Variants in RYR1 observed in about 807,000 individuals in gnomAD.
The protein encoded by RYR1 is ryanodine receptor 1, also known as central core disease of muscle.
In RYR1, 342 loss-of-function variants were observed where a neutral mutation model predicts 583.5. The ratio of observed to expected loss-of-function variants is 0.59; its 90% CI spans 0.54 to 0.64. The LOEUF is 0.64. Among genes scored for constraint, RYR1 ranks in the 30% least tolerant of loss-of-function variants. RYR1 has a pLI of 0.00. For synonymous variants in RYR1, 2,791 were observed against 2,822.5 expected, an observed-to-expected ratio of 0.99 and a Z score of 0.35; for missense variants, 6,032 against 6,917.2, an observed-to-expected ratio of 0.87 and a Z score of 4.54.
rs1218816599 is a variant in RYR1, at chr19:38,561,056, A to AG, written c.12283-57_12283-56insG. On this transcript the variant is annotated intron_variant, in intron 89 of 105. Transcript: ENST00000359596. The surrounding 1 kb of genome is among the most constrained non-coding windows in gnomAD (Gnocchi z 4.8). The stretch of plus-strand genomic sequence containing the variant: ...ACCTTGTCTTAAAAAAAAAAAAAAA[A>AG]AGAGAGAGAATTGAGGCTCTCCAGG... 778 of 1,404,338 alleles carry AG rather than the reference A, an allele frequency of 5.5e-4. 2 individuals carry two copies. The highest frequency in any genetic ancestry group is 2.8e-3 in the South Asian group (224 of 79,748). The allele number at this position is 1,404,338 out of a possible 1,614,324, so 87.0% of individuals were successfully genotyped here.
At chr19:38,560,729 CAAAAAAAAA>C (rs765130460) in intron 89 of RYR1, among the ~76,000 whole-genome samples, 2 of 38,076 alleles carry the variant, frequency 5.3e-5, no homozygotes, top group Non-Finnish European at 9.4e-5. Context: ...AACTCCGTCT[CAAAAAAAAA>C]AAAAAAAAAA....
rs549476638 is a variant in RYR1, at chr19:38,506,328, A to C, written c.8567A>C (p.Asn2856Thr). The change falls in exon 55 of 106, where the codon AAC becomes ACC. Residue 2856 changes from asparagine (N) to threonine (T), a missense_variant. Asn to Thr is a moderately conservative substitution (Grantham distance 65, BLOSUM62 0). Coordinates refer to ENST00000359596, the MANE Select transcript of RYR1 (RefSeq NM_000540.3). ...AQTYDPREGY[N>T]PQPPDLSAVT... ...ACCTATGATCCTCGAGAAGGCTACA[A>C]CCCTCAGCCCCCCGACCTTAGTGCT... 5 of 1,613,256 alleles carry C rather than the reference A, an allele frequency of 3.1e-6. No individual in the cohort carries two copies. The African/African-American group carries it at 5.3e-5, about 17-fold the overall frequency.
At chr19:38,564,380 C>T (rs929181731) in intron 90 of RYR1, among the ~76,000 whole-genome samples, 1 of 152,182 alleles carries the variant, frequency 6.6e-6, no homozygotes, top group African/African-American at 2.4e-5. Context: ...AAAAACTCAG[C>T]CCAGCATGGT....
At chr19:38,474,308 G>C (rs1968597701) in intron 28 of RYR1, among the ~76,000 whole-genome samples, 3 of 151,816 alleles carry the variant, frequency 2.0e-5, no homozygotes, top group Admixed American at 1.3e-4. Context: ...CTGTCGCCAG[G>C]CTGGAATGCA....
At chr19:38,563,368 G>A (rs1030841893) in intron 90 of RYR1, among the ~76,000 whole-genome samples, 3 of 152,186 alleles carry the variant, frequency 2.0e-5, no homozygotes, top group African/African-American at 4.8e-5. Flanking sequence ...GGGTTCAAGC[G>A]GTTTTCCTGT....
At chr19:38,503,967 C>G (rs1028565761) in intron 49 of RYR1, among the ~76,000 whole-genome samples, 2 of 152,114 alleles carry the variant, frequency 1.3e-5, no homozygotes, top group Non-Finnish European at 2.9e-5. Context: ...TAAAGCAATA[C>G]CAGACACAAC....
intron 56 of RYR1, 44 bp from the exon 57 acceptor site, chr19:38,506,785 C>G (rs373700479): frequency 6.2e-7 from 1 of 1,613,624 alleles, no homozygotes; most frequent in Non-Finnish European, 8.5e-7. Context: ...GAGAGTGGCC[C>G]GGGTCTTCCC....
intron 37 of RYR1, among the ~76,000 whole-genome samples, chr19:38,491,926 T>C (rs1222272279): frequency 6.6e-6 from 1 of 152,224 alleles, no homozygotes; most frequent in Admixed American, 6.5e-5. Context: ...TAGTATTCAC[T>C]ACTGGATAAG....
intron 71 of RYR1, 116 bp downstream of exon 71, chr19:38,525,618 C>A: frequency 8.6e-7 from 1 of 1,166,688 alleles, no homozygotes; most frequent in Non-Finnish European, 1.2e-6. Flanking sequence ...CCCTGGGAGC[C>A]TTCCCTTCAG....
intron 87 of RYR1, 128 bp downstream of exon 87, chr19:38,544,003 CAG>C (rs1972318677): frequency 7.7e-6 from 7 of 904,332 alleles, no homozygotes; most frequent in South Asian, 2.8e-5. Context: ...GGTTCCCTCT[CAG>C]TGGCCAAATC....
At chr19:38,505,478 T>C in intron 53 of RYR1, 80 bp downstream of exon 53, 1 of 1,028,630 alleles carries the variant, frequency 9.7e-7, no homozygotes, top group Non-Finnish European at 1.5e-6. Flanking sequence ...GTGAGGCAAT[T>C]TCACATGTTT....
chr19:38,523,017 G>T lies in RYR1; in HGVS notation c.10260-11G>T. The T allele has an allele frequency of 1.3e-6, 2 of 1,541,358 alleles. No homozygotes were observed. Among genetic ancestry groups the T allele is most frequent in the South Asian group, 1.2e-5 (1 of 86,352 alleles). On this transcript the variant is annotated splice_polypyrimidine_tract_variant and intron_variant, in intron 67 of 105. Coordinates refer to ENST00000359596, the MANE Select transcript of RYR1 (RefSeq NM_000540.3). ...CCACCCCCTCCCTCACCTCCCCTCC[G>T]CTGACCCCAGGGCGCAGTGGCTGAC...
Position 38,469,517 on chromosome 19 carries a change from A to C in RYR1, c.3765+4A>C. On this transcript the variant is annotated splice_donor_region_variant and intron_variant, in intron 27 of 105. Coordinates refer to ENST00000359596, the MANE Select transcript of RYR1 (RefSeq NM_000540.3). ...CCTTGAACACCCTCACTATGAGGTA[A>C]GGACTGAGCCCCTCAATGCCTTCTC... 6.2e-7 allele frequency: 1 copy of C among 1,613,694 alleles called. No individual in the cohort carries two copies. Among genetic ancestry groups the C allele is most frequent in the South Asian group, 1.1e-5 (1 of 91,080 alleles).
At chr19:38,463,402 A>G in intron 20 of RYR1, 21 bp from the exon 21 acceptor site, 1 of 1,608,544 alleles carries the variant, frequency 6.2e-7, no homozygotes, top group Admixed American at 1.7e-5. Context: ...TGGGGTCTCA[A>G]GAACGTCCCT....
At chr19:38,487,015 A>G (rs1317107795) in intron 34 of RYR1, among the ~76,000 whole-genome samples, 2 of 152,162 alleles carry the variant, frequency 1.3e-5, no homozygotes, top group African/African-American at 2.4e-5. Flanking sequence ...CAGTCCATCT[A>G]CCATTCCATC....
Position 38,502,861 on chromosome 19 carries a change from C to T in RYR1, c.7836-19C>T, listed in dbSNP as rs201378267. 1.5e-3 allele frequency: 2,396 copies of T among 1,607,646 alleles called. 4 individuals carry two copies. The highest frequency in any genetic ancestry group is 1.9e-3 in the Non-Finnish European group (2,223 of 1,179,490). On this transcript the variant is annotated intron_variant, in intron 48 of 105. Coordinates refer to ENST00000359596, the MANE Select transcript of RYR1 (RefSeq NM_000540.3). ...CGGGCCTGGACGGGGGATTCTACAT[C>T]TTGTGCATTGTCCCGCAGGTACATC...
At chr19:38,529,974 T>TTATC (rs1264689849) in intron 76 of RYR1, among the ~76,000 whole-genome samples, 2 of 151,598 alleles carry the variant, frequency 1.3e-5, no homozygotes, top group Non-Finnish European at 2.9e-5. Context: ...TTCATTTTGT[T>TTATC]TATTTATTTA....
intron 90 of RYR1, 121 bp from the exon 91 acceptor site, chr19:38,564,838 A>G: frequency 6.7e-7 from 1 of 1,491,536 alleles, no homozygotes; most frequent in Non-Finnish European, 9.0e-7. Context: ...AAAACAAAAT[A>G]CCAACAATGC....
Position 38,580,362 on chromosome 19 carries a change from G to A in RYR1, c.14512-8G>A, listed in dbSNP as rs745914262. 8 of 1,613,818 alleles carry A rather than the reference G, an allele frequency of 5.0e-6. No individual in the cohort carries two copies. In the Admixed American group the frequency reaches 1.3e-4, roughly 27 times the overall value. ...GGCGGAGCTGACCTGGCCCCATCCT[G>A]CCCCCAGCTGGTGATGACCGTGGGC... On this transcript the variant is annotated splice_polypyrimidine_tract_variant and splice_region_variant and intron_variant, in intron 100 of 105. Transcript: ENST00000359596.
Sources: gnomAD v4.1 joint callset for allele counts (sites outside exome capture counted in the v4.1 genomes callset) on GRCh38, gnomAD v4.1.1 for gene constraint, Gnocchi (gnomAD v3.1) non-coding constraint, MANE v1.5 for transcripts, NCBI Gene and HGNC (gene_info 2026-07-23, HGNC 2026-07-21) for gene names.